Variants in ARSB observed in about 807,000 individuals in gnomAD.
ARSB encodes the protein arylsulfatase B, also known as N-acetylgalactosamine-4-sulfatase.
A neutral mutation model predicts 50.9 loss-of-function variants in ARSB; 41 were observed. That is an observed-to-expected ratio of 0.81 (90% CI 0.63 to 1.04). ARSB has a LOEUF of 1.04. Ranked by LOEUF, ARSB falls within the 50% of genes least tolerant of loss-of-function variation. The probability of loss-of-function intolerance (pLI) is 0.00; values close to 1 mark genes in which losing one functional copy is unlikely to be tolerated. For missense variants in ARSB, 672 were observed against 693.3 expected (o/e 0.97, Z 0.35); for synonymous variants, 269 against 284.8 (o/e 0.94, Z 0.56).
At chr5:78,937,878 C>T (rs1750710685) in intron 4 of ARSB, among the ~76,000 whole-genome samples, 1 of 152,110 alleles carries the variant, frequency 6.6e-6, no homozygotes, top group African/African-American at 2.4e-5. Flanking sequence ...AGCAACATCG[C>T]AGAACTCAAA....
chr5:78,954,014 G>C (rs1011012465), intron 4 of ARSB, among the ~76,000 whole-genome samples: 1 of 151,818 alleles, frequency 6.6e-6, no homozygotes, highest in Non-Finnish European at 1.5e-5. Flanking sequence ...GTAATTAACA[G>C]ACATGGCAGT....
At chr5:78,961,668 G>A (rs551101260) in intron 3 of ARSB, among the ~76,000 whole-genome samples, 4 of 152,202 alleles carry the variant, frequency 2.6e-5, no homozygotes, top group South Asian at 2.1e-4. Context: ...ATATTCCATC[G>A]TTCTTCAGTA....
intron 4 of ARSB, among the ~76,000 whole-genome samples, chr5:78,925,870 G>C (rs1298248338): frequency 2.6e-5 from 4 of 152,082 alleles, no homozygotes; most frequent in African/African-American, 9.7e-5. Flanking sequence ...GATAAAGCAT[G>C]CTCCAGAACA....
intron 5 of ARSB, among the ~76,000 whole-genome samples, chr5:78,859,830 G>A (rs1746341684): frequency 6.6e-6 from 1 of 151,946 alleles, no homozygotes; most frequent in Admixed American, 6.6e-5. Context: ...CCCACAGCAA[G>A]CAGCAGACTA....
intron 6 of ARSB, among the ~76,000 whole-genome samples, chr5:78,799,422 C>T (rs1303576907): frequency 6.6e-6 from 1 of 152,200 alleles, no homozygotes; most frequent in Admixed American, 6.5e-5. Context: ...TAGCCACATT[C>T]ATGAAGTGAC....
intron 5 of ARSB, among the ~76,000 whole-genome samples, chr5:78,861,675 T>C (rs1169488692): frequency 2.6e-5 from 4 of 152,174 alleles, no homozygotes; most frequent in African/African-American, 9.7e-5. Flanking sequence ...GGGCAAAAAC[T>C]GGAAGCATTC....
intron 6 of ARSB, among the ~76,000 whole-genome samples, chr5:78,808,086 C>T (rs1196712172): frequency 1.1e-5 from 1 of 88,744 alleles, no homozygotes; most frequent in African/African-American, 6.5e-5. Context: ...GAGCGAGACT[C>T]CGTCTCAAAA....
At chr5:78,864,337 T>C (rs1000823011) in intron 5 of ARSB, among the ~76,000 whole-genome samples, 6 of 152,162 alleles carry the variant, frequency 3.9e-5, no homozygotes. Flanking sequence ...CTTACATGGA[T>C]GGCAGCAGGC....
intron 4 of ARSB, among the ~76,000 whole-genome samples, chr5:78,889,112 G>A (rs1214389980): frequency 6.6e-6 from 1 of 152,172 alleles, no homozygotes; most frequent in Non-Finnish European, 1.5e-5. Flanking sequence ...ACATTAGTTG[G>A]TTAACTATAT....
At chr5:78,805,705 T>C (rs997941942) in intron 6 of ARSB, among the ~76,000 whole-genome samples, 2 of 152,226 alleles carry the variant, frequency 1.3e-5, no homozygotes, top group African/African-American at 4.8e-5. Context: ...GAAAAGTGGC[T>C]GGATGAGCAG....
rs35093883 is a variant in ARSB, at chr5:78,967,673, T to TA, written c.499+1332dup. 5.1e-3 allele frequency among the ~76,000 whole-genome samples: 615 copies of TA among 120,090 alleles called. 7 individuals carry two copies. Among genetic ancestry groups the TA allele is most frequent in the Middle Eastern group, 8.9e-3 (2 of 224 alleles). 78.8% of individuals were successfully genotyped at this position (120,090 alleles called of 152,430 possible). On this transcript the variant is annotated intron_variant, in intron 2 of 7. Transcript: ENST00000264914. ...GGGCAACAGAGCGAGACTCCGTATA[T>TA]AAAAAAAAAAAAAAAAGAAATTTCA...
At chr5:78,784,402 A>C (rs1369314645) in intron 6 of ARSB, among the ~76,000 whole-genome samples, 1 of 152,234 alleles carries the variant, frequency 6.6e-6, no homozygotes, top group Non-Finnish European at 1.5e-5. Flanking sequence ...TATAATAGTC[A>C]AGATATGGAA....
chr5:78,944,067 A>G (rs1183205263), intron 4 of ARSB, among the ~76,000 whole-genome samples: 1 of 152,218 alleles, frequency 6.6e-6, no homozygotes, highest in Non-Finnish European at 1.5e-5. Context: ...CAGTTGATCA[A>G]ATCGGCTACT....
At position 78,803,981 on chromosome 5, in the gene ARSB, C is replaced by T. The variant is rs114721059; in HGVS notation, c.1214-22007G>A. On this transcript the variant is annotated intron_variant, in intron 6 of 7. Coordinates refer to ENST00000264914, the MANE Select transcript of ARSB (RefSeq NM_000046.5). ...GTTTCAGTGCCCTTATTCTCCCACC[C>T]GAGGGCACCTGGCAGAGCCAGACAG... 2.9e-3 allele frequency among the ~76,000 whole-genome samples: 441 copies of T among 152,310 alleles called. 1 individual carries two copies. The highest frequency in any genetic ancestry group is 4.9e-3 in the Non-Finnish European group (331 of 68,032).
chr5:78,939,020 C>T (rs918025616), intron 4 of ARSB, among the ~76,000 whole-genome samples: 4 of 152,152 alleles, frequency 2.6e-5, no homozygotes, highest in Admixed American at 1.3e-4. Flanking sequence ...CTGTGACAAC[C>T]AAACCACTTC....
chr5:78,935,695 T>C (rs1471146912), intron 4 of ARSB, among the ~76,000 whole-genome samples: 1 of 152,152 alleles, frequency 6.6e-6, no homozygotes, highest in Non-Finnish European at 1.5e-5. Context: ...CTAATAACAA[T>C]AAAGCACTCA....
chr5:78,962,497 C>T (rs1223354289), intron 3 of ARSB, among the ~76,000 whole-genome samples: 2 of 145,512 alleles, frequency 1.4e-5, no homozygotes, highest in African/African-American at 5.2e-5. Context: ...ACACCTCTAT[C>T]TGTGTTTTCA....
At chr5:78,892,218 A>T (rs1026139532) in intron 4 of ARSB, among the ~76,000 whole-genome samples, 1 of 150,724 alleles carries the variant, frequency 6.6e-6, no homozygotes, top group Non-Finnish European at 1.5e-5. Flanking sequence ...TATTCTAAGC[A>T]TAGAGTCCTC....
At chr5:78,857,541 G>A (rs892412653) in intron 5 of ARSB, among the ~76,000 whole-genome samples, 3 of 152,158 alleles carry the variant, frequency 2.0e-5, no homozygotes, top group African/African-American at 7.2e-5. Flanking sequence ...AAATGTCCTG[G>A]TTTTACGTGA....
Sources: gnomAD v4.1 joint callset for allele counts (sites outside exome capture counted in the v4.1 genomes callset) on GRCh38, gnomAD v4.1.1 for gene constraint, MANE v1.5 for transcripts, NCBI Gene and HGNC (gene_info 2026-07-23, HGNC 2026-07-21) for gene names.